BRF1: variants seen among roughly 807,000 people sequenced by gnomAD.
The protein encoded by BRF1 is transcription factor IIIB 90 kDa subunit.
Under a neutral mutation model 81.7 loss-of-function variants are expected in BRF1, and 59 were observed. That is an observed-to-expected ratio of 0.72 (90% CI 0.59 to 0.90). BRF1 has a LOEUF of 0.90. BRF1 is among the 40% of genes least tolerant of loss of function. The pLI, the probability that BRF1 is intolerant of heterozygous loss-of-function variation, is 0.00. For synonymous variants in BRF1, 491 were observed against 395.6 expected (o/e 1.24, Z -2.86); for missense variants, 1,050 against 936.3 (o/e 1.12, Z -1.58).
Position 105,209,930 on chromosome 14 carries a change from A to T in BRF1, c.*621T>A. ...GCGGGGAGGGGGGTCTGGAGGAGGC[A>T]GGGGTGGGGGTGTCTGCCTCGGACG... On this transcript the variant is annotated 3_prime_UTR_variant, in exon 18 of 18. Transcript: ENST00000547530. The T allele has an allele frequency of 2.7e-5, 9 of 332,466 alleles. No homozygotes were observed. Among genetic ancestry groups the T allele is most frequent in the East Asian group, 9.8e-5 (2 of 20,378 alleles). The allele number at this position is 332,466 out of a possible 1,614,324, so 20.6% of individuals were successfully genotyped here. A position where few individuals can be genotyped will look rare whatever the true frequency, so the allele number is the denominator to read the frequency against.
At chr14:105,301,497 T>C (rs1372984048), upstream of BRF1, among the ~76,000 whole-genome samples, 1 of 150,312 alleles carries the variant, frequency 6.7e-6, no homozygotes, top group Admixed American at 6.6e-5. Context: ...AACCCCGGGC[T>C]CTGGGAGTGG....
chr14:105,241,598 C>G (rs2054652145), intron 5 of BRF1, 184 bp from the exon 6 acceptor site: 1 of 766,368 alleles, frequency 1.3e-6, no homozygotes, highest in Non-Finnish European at 2.1e-6. Flanking sequence ...CGCACCGAAC[C>G]CAGGAGAGCC....
chr14:105,295,303 C>CAA (rs869251134), intron 1 of BRF1, among the ~76,000 whole-genome samples: 3,602 of 36,442 alleles, frequency 0.099, 420 homozygotes, highest in African/African-American at 0.27. Context: ...CACATCTCTA[C>CAA]AAAAAAAAAA....
At chr14:105,291,545 G>A (rs1050310147) in intron 1 of BRF1, among the ~76,000 whole-genome samples, 8 of 151,016 alleles carry the variant, frequency 5.3e-5, no homozygotes, top group African/African-American at 9.7e-5. Flanking sequence ...AGCCAGGCAT[G>A]GTGGTGTGCT....
rs587730217 is a variant in BRF1 at position 105,209,673 on chromosome 14, G to T, written c.*878C>A. On this transcript the variant is annotated 3_prime_UTR_variant, in exon 18 of 18. Transcript: ENST00000547530. ...TCGATGGGGGGCCTGATCCAGCTCT[G>T]ACAGGGAGCGCCACTGCCCTCTGGC... 152 of 664,962 alleles carry T rather than the reference G, an allele frequency of 2.3e-4. No homozygotes were observed. The African/African-American group carries it at 2.5e-3, about 11-fold the overall frequency. The allele number at this position is 664,962 out of a possible 1,614,324, so 41.2% of individuals were successfully genotyped here.
At chr14:105,223,313 C>A (rs1193839186) in intron 10 of BRF1, among the ~76,000 whole-genome samples, 2 of 149,322 alleles carry the variant, frequency 1.3e-5, no homozygotes, top group Non-Finnish European at 3.0e-5. Flanking sequence ...TGTTCACGAG[C>A]GCATCTGAAA....
chr14:105,305,729 G>A (rs587675486), upstream of BRF1, among the ~76,000 whole-genome samples: 7 of 152,284 alleles, frequency 4.6e-5, no homozygotes, highest in African/African-American at 1.2e-4. Flanking sequence ...TGCTGCAAGC[G>A]CCCCAGGAAG....
chr14:105,252,428 C>G lies in BRF1; in HGVS notation c.544+79G>C, dbSNP rs1595392994. The G allele has an allele frequency of 3.9e-6, 6 of 1,547,996 alleles. No homozygotes were observed. The East Asian group carries it at 9.1e-5, about 24-fold the overall frequency. On this transcript the variant is annotated intron_variant, in intron 5 of 17. Transcript: ENST00000547530. Reference sequence around the variant, plus strand: ...TCCCATGCTTGGACAGGATTTCCCTCCACTGTTCAAAGGACATTTGGCACG... The same window carrying G: ...TCCCATGCTTGGACAGGATTTCCCTGCACTGTTCAAAGGACATTTGGCACG...
At position 105,219,070 on chromosome 14, in the gene BRF1, G is replaced by A. The variant is rs138300689; in HGVS notation, c.1460-17C>T. The A allele has an allele frequency of 1.4e-4, 229 of 1,613,948 alleles. No individual in the cohort carries two copies. The African/African-American group carries it at 2.7e-3, about 19-fold the overall frequency. ...CTTCTTTTTCTAAAAGTTCAGAAAG[G>A]GGGCCAGCGTCACTGAGGGCCCACG... On this transcript the variant is annotated splice_polypyrimidine_tract_variant and intron_variant, in intron 13 of 17. Coordinates refer to ENST00000547530, the MANE Select transcript of BRF1 (RefSeq NM_001519.4).
chr14:105,215,263 T>C (rs1000816661), intron 15 of BRF1, among the ~76,000 whole-genome samples: 5 of 151,220 alleles, frequency 3.3e-5, no homozygotes, highest in Admixed American at 1.3e-4. Flanking sequence ...TACAGACACA[T>C]GCATGCACAC....
chr14:105,299,774 A>G (rs1396394121), intron 1 of BRF1, among the ~76,000 whole-genome samples: 1 of 152,266 alleles, frequency 6.6e-6, no homozygotes, highest in Non-Finnish European at 1.5e-5. Flanking sequence ...GATGTGGGGC[A>G]ACTGGTGAGA....
At chr14:105,293,122 C>A (rs1326394407) in intron 1 of BRF1, among the ~76,000 whole-genome samples, 4 of 152,176 alleles carry the variant, frequency 2.6e-5, no homozygotes, top group African/African-American at 7.2e-5. Context: ...GAGCCTTCCA[C>A]CCTCAGGACT....
rs1566803055 is a variant in BRF1 at position 105,219,038 on chromosome 14, A to G, written c.1475T>C (p.Ile492Thr). ...LREQREKEAR[I>T]AKEKELGIYK... is the part of the protein sequence containing the mutation. ...GATGCCGAGCTCCTTCTCTTTCGCT[A>G]TTCTTGCTTCTTTTTCTAAAAGTTC... is the stretch of plus-strand genomic sequence containing the variant. The change falls in exon 14 of 18, where the codon ATA (isoleucine) becomes ACA (threonine). Residue 492 changes from isoleucine (I) to threonine (T), a missense_variant. By Grantham distance (89) the Ile-to-Thr change is moderately conservative. This residue lies in a region of BRF1 where 1,043 missense variants were observed against 915.4 expected (regional missense o/e 1.14). Transcript: ENST00000547530. 3.1e-6 allele frequency: 5 copies of G among 1,613,546 alleles called. No homozygotes were observed. Among genetic ancestry groups the G allele is most frequent in the Non-Finnish European group, 3.4e-6 (4 of 1,180,010 alleles).
At position 105,209,809 on chromosome 14, in the gene BRF1, G is replaced by A; in HGVS notation, c.*742C>T. The A allele has an allele frequency of 1.9e-6, 1 of 513,328 alleles. No homozygotes were observed. Among genetic ancestry groups the A allele is most frequent in the Non-Finnish European group, 3.4e-6 (1 of 292,432 alleles). The allele number at this position is 513,328 out of a possible 1,614,324, so 31.8% of individuals were successfully genotyped here. On this transcript the variant is annotated 3_prime_UTR_variant, in exon 18 of 18. Coordinates refer to ENST00000547530, the MANE Select transcript of BRF1 (RefSeq NM_001519.4). The stretch of plus-strand genomic sequence containing the variant: ...GCCGGTCTCAGCTGTCGGGCACTCA[G>A]TTCACCTGCCGGCAGCCGCAGGGCT...
At chr14:105,227,829 T>G (rs772906074) in intron 7 of BRF1, 3 of 152,226 alleles carry the variant, frequency 2.0e-5, no homozygotes, top group Non-Finnish European at 4.4e-5. Flanking sequence ...TAAAGTGAAA[T>G]ACTTTACAGC....
intron 5 of BRF1, among the ~76,000 whole-genome samples, chr14:105,244,786 T>G (rs1163232385): frequency 6.6e-6 from 1 of 152,016 alleles, no homozygotes; most frequent in Non-Finnish European, 1.5e-5. Context: ...CACCATAGAC[T>G]CAATCTGACA....
intron 3 of BRF1, among the ~76,000 whole-genome samples, chr14:105,264,965 C>G (rs917469414): frequency 3.3e-5 from 5 of 151,762 alleles, no homozygotes; most frequent in African/African-American, 1.2e-4. Context: ...GAGAGTGGAG[C>G]AGAAACTTTA....
chr14:105,273,716 T>G (rs932128416), intron 2 of BRF1, among the ~76,000 whole-genome samples: 1 of 152,128 alleles, frequency 6.6e-6, no homozygotes, highest in Non-Finnish European at 1.5e-5. Context: ...GCAGTATGCT[T>G]GGTAAAAGTC....
chr14:105,221,070 C>T (rs1264100831), intron 11 of BRF1, among the ~76,000 whole-genome samples: 2 of 152,238 alleles, frequency 1.3e-5, no homozygotes, highest in African/African-American at 2.4e-5. Flanking sequence ...GGCCCTGGTG[C>T]CCGACGGGAG....
Sources: allele counts gnomAD v4.1 joint callset (sites outside exome capture counted in the v4.1 genomes callset), GRCh38; gene constraint gnomAD v4.1.1; regional missense constraint gnomAD v4.1.1; transcripts MANE v1.5; gene names NCBI Gene and HGNC (gene_info 2026-07-23, HGNC 2026-07-21).